TMTC3: variants seen among roughly 807,000 people sequenced by gnomAD.
TMTC3 encodes the protein transmembrane O-mannosyltransferase targeting cadherins 3, also known as protein O-mannosyl-transferase TMTC3.
A neutral mutation model predicts 92.2 loss-of-function variants in TMTC3; 52 were observed. The observed-to-expected ratio is 0.56, with a 90% CI of 0.45 to 0.71. The LOEUF (loss-of-function observed/expected upper bound fraction) is 0.71. Among genes scored for constraint, TMTC3 ranks in the 30% least tolerant of loss-of-function variants. The pLI is 0.00. For synonymous variants in TMTC3, 339 were observed against 363.3 expected (o/e 0.93, Z 0.76); for missense variants, 896 against 1,057.1 (o/e 0.85, Z 2.11).
chr12:88,163,158 C>T (rs572641084), intron 6 of TMTC3, among the ~76,000 whole-genome samples: 92 of 152,134 alleles, frequency 6.0e-4, no homozygotes, highest in African/African-American at 2.1e-3. Context: ...TGAGGTGATC[C>T]GCCCACCTCA....
chr12:88,167,261 G>A (rs2041155295), intron 7 of TMTC3, among the ~76,000 whole-genome samples: 1 of 151,906 alleles, frequency 6.6e-6, no homozygotes, highest in African/African-American at 2.4e-5. Context: ...CTGGGTAGCT[G>A]GGTGTGGTAG....
rs890391442 is a variant in TMTC3, at chr12:88,183,124, A to G, written c.1433-5719A>G. ...ATGGCTGGCTTTTAATTGCTCCTCAACTAATTCATGGGCCAACTAATTCAT... is the reference window on the plus strand; with the variant it reads ...ATGGCTGGCTTTTAATTGCTCCTCAGCTAATTCATGGGCCAACTAATTCAT... On this transcript the variant is annotated intron_variant, in intron 10 of 13. Coordinates refer to ENST00000266712, the MANE Select transcript of TMTC3 (RefSeq NM_181783.4). 4.6e-5 allele frequency among the ~76,000 whole-genome samples: 7 copies of G among 152,016 alleles called. 1 individual carries two copies. In the South Asian group the frequency reaches 6.2e-4, roughly 14 times the overall value.
intron 10 of TMTC3, among the ~76,000 whole-genome samples, chr12:88,184,133 C>T (rs2041349474): frequency 6.6e-6 from 1 of 152,074 alleles, no homozygotes; most frequent in African/African-American, 2.4e-5. Flanking sequence ...GACCGCATGG[C>T]TCAGCACCAC....
At chr12:88,169,262 T>C (rs949348241) in intron 7 of TMTC3, among the ~76,000 whole-genome samples, 1 of 152,136 alleles carries the variant, frequency 6.6e-6, no homozygotes, top group Non-Finnish European at 1.5e-5. Context: ...TCTCTAGCAG[T>C]GCGTTGCCAC....
At chr12:88,192,448 A>C (rs2041454701) in intron 12 of TMTC3, among the ~76,000 whole-genome samples, 156 bp from the exon 13 acceptor site, 1 of 152,168 alleles carries the variant, frequency 6.6e-6, no homozygotes, top group East Asian at 1.9e-4. Context: ...ATTTGAGGAC[A>C]GTTTCAAAGA....
At chr12:88,177,649 T>C (rs1290338944) in intron 10 of TMTC3, among the ~76,000 whole-genome samples, 1 of 152,170 alleles carries the variant, frequency 6.6e-6, no homozygotes, top group Non-Finnish European at 1.5e-5. Context: ...AGAACTGTAT[T>C]ACAGGATATG....
chr12:88,173,984 G>T (rs1182261328), intron 8 of TMTC3, among the ~76,000 whole-genome samples: 1 of 151,982 alleles, frequency 6.6e-6, no homozygotes, highest in Non-Finnish European at 1.5e-5. Context: ...ATTAAACCAT[G>T]TTACAGGAAC....
chr12:88,160,892 T>C (rs1336473918), intron 6 of TMTC3, 41 bp downstream of exon 6: 1 of 1,529,370 alleles, frequency 6.5e-7, no homozygotes, highest in Admixed American at 2.1e-5. Flanking sequence ...TTCTTTTTTT[T>C]AACTTTGGAT....
At chr12:88,184,799 C>T (rs538460305) in intron 10 of TMTC3, among the ~76,000 whole-genome samples, 1 of 151,686 alleles carries the variant, frequency 6.6e-6, no homozygotes, top group African/African-American at 2.4e-5. Flanking sequence ...TACACACACA[C>T]AAAATATATA....
rs1431977260 is a variant in TMTC3 at position 88,197,396 on chromosome 12, C to T, written c.*1747C>T. 6.6e-6 allele frequency: 1 copy of T among 150,868 alleles called. No homozygotes were observed. Among genetic ancestry groups the T allele is most frequent in the Non-Finnish European group, 1.5e-5 (1 of 67,624 alleles). The allele number at this position is 150,868 out of a possible 1,614,324, so 9.3% of individuals were successfully genotyped here. On this transcript the variant is annotated 3_prime_UTR_variant, in exon 14 of 14. Transcript: ENST00000266712. ...TCAGTTCTTAGGTTATGGCTTGTGA[C>T]TCCAGATAAAAGATGGAGAATACCT...
At chr12:88,179,278 G>C (rs2138419030) in intron 10 of TMTC3, among the ~76,000 whole-genome samples, 1 of 152,228 alleles carries the variant, frequency 6.6e-6, no homozygotes, top group East Asian at 1.9e-4. Context: ...CTGTATCTTA[G>C]ATAGTTTAGA....
Position 88,190,489 on chromosome 12 carries a change from C to T in TMTC3, c.1573C>T (p.Pro525Ser). The change falls in exon 12 of 14, where the codon CCT (proline) becomes TCT (serine). Residue 525 changes from proline (P) to serine (S), a missense_variant. Physicochemically the swap from Pro to Ser is moderately conservative, Grantham distance 74. Coordinates refer to ENST00000266712, the MANE Select transcript of TMTC3 (RefSeq NM_181783.4). Reference protein sequence around the residue: ...PGKKYAARIAPNHLNVYINLA... With the variant: ...PGKKYAARIASNHLNVYINLA... ...TAAAAAATATGCAGCCAGAATTGCC[C>T]CTAACCACCTAAATGTTTATATCAA... 6.2e-7 allele frequency: 1 copy of T among 1,613,492 alleles called. No homozygotes were observed. The highest frequency in any genetic ancestry group is 8.5e-7 in the Non-Finnish European group (1 of 1,179,664).
At chr12:88,191,332 G>A (rs1565959529) in intron 12 of TMTC3, among the ~76,000 whole-genome samples, 1 of 152,060 alleles carries the variant, frequency 6.6e-6, no homozygotes, top group Non-Finnish European at 1.5e-5. Context: ...CACCTGTCAT[G>A]TATTAATTCA....
intron 6 of TMTC3, among the ~76,000 whole-genome samples, chr12:88,165,269 T>C (rs1031445767): frequency 2.6e-5 from 4 of 152,110 alleles, no homozygotes; most frequent in Non-Finnish European, 5.9e-5. Flanking sequence ...ATTAACTCTT[T>C]CTTTAAATCA....
intron 10 of TMTC3, among the ~76,000 whole-genome samples, chr12:88,184,379 A>T (rs2041352894): frequency 6.6e-6 from 1 of 152,128 alleles, no homozygotes; most frequent in Admixed American, 6.5e-5. Flanking sequence ...TCCCTTATCT[A>T]CTCTTTTCTC....
chr12:88,150,897 G>A (rs2040934934), intron 2 of TMTC3, among the ~76,000 whole-genome samples: 1 of 151,978 alleles, frequency 6.6e-6, no homozygotes, highest in Admixed American at 6.6e-5. Flanking sequence ...GCCGTATTAG[G>A]GGTCTTTGGA....
At chr12:88,148,573 C>G (rs1592720972) in intron 2 of TMTC3, 69 bp downstream of exon 2, 1 of 1,169,476 alleles carries the variant, frequency 8.6e-7, no homozygotes, top group Non-Finnish European at 1.2e-6. Flanking sequence ...TTTATTACTT[C>G]TAATTCTTTA....
chr12:88,194,831 T>G lies in TMTC3; in HGVS notation c.1934-7T>G, dbSNP rs769468886. ...CAATATATTTTTTCTTTAAAAAAACTTTCTAGGTGAGGTTAAACTCAGACC... is the reference window on the plus strand; with the variant it reads ...CAATATATTTTTTCTTTAAAAAAACGTTCTAGGTGAGGTTAAACTCAGACC... On this transcript the variant is annotated splice_polypyrimidine_tract_variant and splice_region_variant and intron_variant, in intron 13 of 13. Transcript: ENST00000266712. 3 of 1,499,974 alleles carry G rather than the reference T, an allele frequency of 2.0e-6. No individual in the cohort carries two copies. Among genetic ancestry groups the G allele is most frequent in the South Asian group, 1.4e-5 (1 of 69,784 alleles). 92.9% of individuals were successfully genotyped at this position (1,499,974 alleles called of 1,614,324 possible).
intron 6 of TMTC3, among the ~76,000 whole-genome samples, chr12:88,163,742 CA>C (rs2041108050): frequency 6.6e-6 from 1 of 152,150 alleles, no homozygotes; most frequent in Non-Finnish European, 1.5e-5. Flanking sequence ...ATTTAGGGCC[CA>C]CCCTAACCCA....
Sources: allele counts gnomAD v4.1 joint callset (sites outside exome capture counted in the v4.1 genomes callset), GRCh38; gene constraint gnomAD v4.1.1; transcripts MANE v1.5; gene names NCBI Gene and HGNC (gene_info 2026-07-23, HGNC 2026-07-21).